LMNTD1: variants seen among roughly 807,000 people sequenced by gnomAD.
LMNTD1 encodes lamin tail domain containing 1.
A neutral mutation model predicts 50.9 loss-of-function variants in LMNTD1; 35 were observed. That is an observed-to-expected ratio of 0.69 (90% CI 0.53 to 0.91). The LOEUF is 0.91. Ranked by LOEUF, LMNTD1 falls within the 40% of genes least tolerant of loss-of-function variation. LMNTD1 has a pLI of 0.00. For synonymous variants in LMNTD1, 153 were observed against 161.9 expected, an observed-to-expected ratio of 0.94 and a Z score of 0.42; for missense variants, 470 against 475.5, an observed-to-expected ratio of 0.99 and a Z score of 0.11.
rs375211758 is a variant in LMNTD1, at chr12:25,549,520, G to A, written c.116C>T (p.Ser39Phe). Residue 39 changes from serine to phenylalanine, a missense_variant, in exon 3 of 10, where the codon TCT becomes TTT. Ser to Phe is a radical substitution (Grantham distance 155). Coordinates refer to ENST00000458174, the MANE Select transcript of LMNTD1 (RefSeq NM_001145728.2). Reference sequence around the variant, plus strand: ...CATCTTTGGGGAAAAATGTACTAAAGAATATACTCCAAGTTTGTCTTCTCT... The same window carrying A: ...CATCTTTGGGGAAAAATGTACTAAAAAATATACTCCAAGTTTGTCTTCTCT... ...KQREDKLGVY[S>F]LVHFSPKMLG... The A allele has an allele frequency of 2.4e-5, 39 of 1,609,316 alleles. No homozygotes were observed. Among genetic ancestry groups the A allele is most frequent in the Non-Finnish European group, 3.2e-5 (38 of 1,176,688 alleles).
intron 9 of LMNTD1, among the ~76,000 whole-genome samples, chr12:25,499,443 A>G (rs1204290900): frequency 2.0e-5 from 3 of 152,040 alleles, no homozygotes; most frequent in Non-Finnish European, 4.4e-5. Context: ...TGTAATGTGC[A>G]CTTGTTTAGT....
intron 8 of LMNTD1, 75 bp from the exon 9 acceptor site, chr12:25,503,875 C>A (rs1591836636): frequency 1.4e-6 from 1 of 725,620 alleles, no homozygotes; most frequent in South Asian, 1.9e-5. Flanking sequence ...TCCAGTATTC[C>A]AAGTATTGAT....
rs769058632 is a variant in LMNTD1, at chr12:25,559,775, T to C, written c.59-13221A>G. On this transcript the variant is annotated intron_variant, in intron 1 of 7. Coordinates refer to the LMNTD1 transcript ENST00000445693. ...AGATGGTATCTCATTGTGGTTTTGA[T>C]TTGCATTTCTCTGATGGCCAGTGAT... Among the ~76,000 whole-genome samples the C allele has an allele frequency of 3.2e-4, 49 of 152,350 alleles. 1 individual carries two copies. The highest frequency in any genetic ancestry group is 1.0e-3 in the African/African-American group (43 of 41,588).
chr12:25,588,551 G>A (rs1401743982), intron 1 of LMNTD1, among the ~76,000 whole-genome samples: 3 of 152,016 alleles, frequency 2.0e-5, no homozygotes, highest in African/African-American at 7.2e-5. Context: ...GTTCAGGGAT[G>A]CATACATAGT....
chr12:25,623,192 T>A (rs532164549), intron 1 of LMNTD1, among the ~76,000 whole-genome samples: 13 of 152,112 alleles, frequency 8.5e-5, no homozygotes, highest in Admixed American at 8.5e-4. Flanking sequence ...TGTTGCTATG[T>A]TAAAGCACAG....
intron 1 of LMNTD1, among the ~76,000 whole-genome samples, chr12:25,577,861 T>C (rs974614410): frequency 6.6e-6 from 1 of 152,142 alleles, no homozygotes; most frequent in Non-Finnish European, 1.5e-5. Context: ...GTGTGAGGCA[T>C]CAGGGTCTGT....
intron 1 of LMNTD1, among the ~76,000 whole-genome samples, chr12:25,624,455 T>C (rs1946542456): frequency 6.6e-6 from 1 of 152,206 alleles, no homozygotes. Context: ...CCAATGACCT[T>C]GGCTGTTAAA....
chr12:25,489,092 C>T (rs942208697), intron 9 of LMNTD1, among the ~76,000 whole-genome samples: 3 of 152,028 alleles, frequency 2.0e-5, no homozygotes, highest in Non-Finnish European at 2.9e-5. Flanking sequence ...TTTGTCTGTG[C>T]CCTGCTCCCA....
intron 4 of LMNTD1, among the ~76,000 whole-genome samples, chr12:25,543,901 G>A (rs535679841): frequency 3.6e-4 from 54 of 151,858 alleles, no homozygotes; most frequent in Non-Finnish European, 6.6e-4. Flanking sequence ...ATTTTCCTAA[G>A]TTCCAAGAAT....
chr12:25,553,280 C>G lies in LMNTD1; in HGVS notation c.-242G>C. 7.0e-7 allele frequency: 1 copy of G among 1,437,654 alleles called. No individual in the cohort carries two copies. The highest frequency in any genetic ancestry group is 1.5e-5 in the South Asian group (1 of 65,688). 89.1% of individuals were successfully genotyped at this position (1,437,654 alleles called of 1,614,324 possible). ...TAACTTGGCAAAGAGACCTTTATGA[C>G]TACAGTTGTTGCTTCTGGCCAACAC... On this transcript the variant is annotated 5_prime_UTR_variant, in exon 1 of 10. Transcript: ENST00000458174.
chr12:25,527,683 C>CAT (rs1779584777), intron 4 of LMNTD1, among the ~76,000 whole-genome samples: 1 of 20,612 alleles, frequency 4.9e-5, no homozygotes, highest in Non-Finnish European at 9.0e-5. Context: ...TATATATATA[C>CAT]ACACACACAC....
chr12:25,581,087 G>C (rs2136418248), intron 1 of LMNTD1, among the ~76,000 whole-genome samples: 3 of 152,292 alleles, frequency 2.0e-5, no homozygotes, highest in Middle Eastern at 6.8e-3. Flanking sequence ...GGAAAAGGCA[G>C]ATAAGGCTTA....
chr12:25,520,282 C>G (rs1460489244), intron 6 of LMNTD1, among the ~76,000 whole-genome samples: 6 of 151,578 alleles, frequency 4.0e-5, no homozygotes, highest in Non-Finnish European at 5.9e-5. Context: ...ATCCCCAACA[C>G]AATTTCATTA....
chr12:25,605,982 A>G (rs978916552), intron 1 of LMNTD1, among the ~76,000 whole-genome samples: 5 of 152,138 alleles, frequency 3.3e-5, no homozygotes, highest in Non-Finnish European at 5.9e-5. Context: ...ATGTTCTTCC[A>G]TTTGTTTGTA....
chr12:25,587,608 C>T (rs892367738), intron 1 of LMNTD1, among the ~76,000 whole-genome samples: 1 of 152,328 alleles, frequency 6.6e-6, no homozygotes, highest in South Asian at 2.1e-4. Context: ...GAGAAATCTG[C>T]CCCCCATGAT....
intron 1 of LMNTD1, among the ~76,000 whole-genome samples, chr12:25,641,305 A>G (rs2136625729): frequency 6.6e-6 from 1 of 152,338 alleles, no homozygotes; most frequent in South Asian, 2.1e-4. Flanking sequence ...TATAAGGTGC[A>G]TGTATAAACC....
chr12:25,530,263 A>G (rs532092187), intron 4 of LMNTD1, among the ~76,000 whole-genome samples: 15 of 152,276 alleles, frequency 9.9e-5, no homozygotes, highest in Admixed American at 2.6e-4. Context: ...GAGACTTTAA[A>G]AATACTTCAT....
chr12:25,525,961 T>G, intron 6 of LMNTD1, 138 bp downstream of exon 6: 2 of 495,712 alleles, frequency 4.0e-6, no homozygotes, highest in Non-Finnish European at 6.3e-6. Context: ...AAAATAATCT[T>G]TTAGGCATAA....
chr12:25,501,733 C>A (rs2135939901), intron 9 of LMNTD1, among the ~76,000 whole-genome samples: 1 of 152,260 alleles, frequency 6.6e-6, no homozygotes. Context: ...TCCAGCATTA[C>A]AGGTTGCCAA....
Sources: gnomAD v4.1 joint callset for allele counts (sites outside exome capture counted in the v4.1 genomes callset) on GRCh38, gnomAD v4.1.1 for gene constraint, MANE v1.5 for transcripts, NCBI Gene and HGNC (gene_info 2026-07-23, HGNC 2026-07-21) for gene names.